The following PPP2R5E variants were observed in gnomAD, a reference collection of about 807,000 sequenced individuals.
PPP2R5E encodes serine/threonine-protein phosphatase 2A 56 kDa regulatory subunit epsilon isoform.
Under a neutral mutation model 65.3 loss-of-function variants are expected in PPP2R5E, and 4 were observed. The observed-to-expected ratio is 0.06, with a 90% confidence interval of 0.03 to 0.14. The LOEUF (loss-of-function observed/expected upper bound fraction) is 0.14. PPP2R5E is among the 10% of genes least tolerant of loss of function. The pLI is 1.00. For missense variants in PPP2R5E, 274 were observed against 556.1 expected, an observed-to-expected ratio of 0.49 and a Z score of 5.10; for synonymous variants, 183 against 187.4, an observed-to-expected ratio of 0.98 and a Z score of 0.19.
chr14:63,520,176 C>T (rs1301540222), intron 2 of PPP2R5E, among the ~76,000 whole-genome samples: 1 of 152,170 alleles, frequency 6.6e-6, no homozygotes, highest in Non-Finnish European at 1.5e-5. Context: ...GCTGGGACTA[C>T]TGGCGCCCGC....
At chr14:63,448,505 ATTTG>A (rs1447613796) in intron 3 of PPP2R5E, among the ~76,000 whole-genome samples, 3 of 151,164 alleles carry the variant, frequency 2.0e-5, no homozygotes, top group African/African-American at 7.3e-5. Context: ...CAAACCTTCA[ATTTG>A]TTTGGGCACA....
At chr14:63,430,397 A>ACATG (rs61170314) in intron 3 of PPP2R5E, among the ~76,000 whole-genome samples, 32 of 137,208 alleles carry the variant, frequency 2.3e-4, no homozygotes, top group South Asian at 2.1e-4. Flanking sequence ...ATACATACAT[A>ACATG]CATGCATACA....
In PPP2R5E at chr14:63,472,502, C is replaced by T. The variant is rs1890182828; in HGVS notation, c.158-18617G>A. Among the ~76,000 whole-genome samples the T allele has an allele frequency of 2.6e-5, 4 of 152,238 alleles. No individual in the cohort carries two copies. The South Asian group carries it at 8.3e-4, about 32-fold the overall frequency. ...GGTTGTTTCATTTTGTTTTGAACAC[C>T]TGACATTTGTTGAACTTGCATATGA... On this transcript the variant is annotated intron_variant, in intron 2 of 13. Coordinates refer to ENST00000337537, the MANE Select transcript of PPP2R5E (RefSeq NM_006246.5).
chr14:63,469,559 T>G, intron 2 of PPP2R5E, among the ~76,000 whole-genome samples: 1 of 152,134 alleles, frequency 6.6e-6, no homozygotes, highest in East Asian at 1.9e-4. Context: ...CCAGGCGTGG[T>G]GGCGAGCGCC....
chr14:63,473,276 T>C (rs115028403), intron 2 of PPP2R5E, among the ~76,000 whole-genome samples: 1 of 152,172 alleles, frequency 6.6e-6, no homozygotes, highest in African/African-American at 2.4e-5. Flanking sequence ...AACAAGGGGC[T>C]ATAAATTAAA....
At chr14:63,476,554 A>C (rs1306739918) in intron 2 of PPP2R5E, among the ~76,000 whole-genome samples, 5 of 152,160 alleles carry the variant, frequency 3.3e-5, no homozygotes, top group Non-Finnish European at 7.4e-5. Context: ...CTGCTCAATC[A>C]GTTCAAATAT....
intron 2 of PPP2R5E, among the ~76,000 whole-genome samples, chr14:63,536,916 G>C (rs1388423463): frequency 6.6e-6 from 1 of 152,166 alleles, no homozygotes; most frequent in South Asian, 2.1e-4. Context: ...TTCAGTTGGG[G>C]AAGATGAAAA....
At chr14:63,438,737 G>A (rs1184036390) in intron 3 of PPP2R5E, among the ~76,000 whole-genome samples, 2 of 152,208 alleles carry the variant, frequency 1.3e-5, no homozygotes, top group Non-Finnish European at 2.9e-5. Flanking sequence ...GCAATCTCGA[G>A]TAGCTCAGTG....
chr14:63,533,044 A>G (rs1204055778), intron 2 of PPP2R5E, among the ~76,000 whole-genome samples: 1 of 152,030 alleles, frequency 6.6e-6, no homozygotes, highest in African/African-American at 2.4e-5. Context: ...TATGTTGCAC[A>G]GGCTGGCCTT....
In PPP2R5E at chr14:63,372,138, A is replaced by C. The variant is rs1311690980; in HGVS notation, c.*3871T>G. On this transcript the variant is annotated 3_prime_UTR_variant, in exon 14 of 14. Coordinates refer to ENST00000337537, the MANE Select transcript of PPP2R5E (RefSeq NM_006246.5). The stretch of plus-strand genomic sequence containing the variant: ...AGGAGGGAGGGAAGGAAGAAAAGGA[A>C]ACCTATATTCATAGACATCATAATA... The C allele has an allele frequency of 6.6e-6, 1 of 152,008 alleles. No homozygotes were observed. Among genetic ancestry groups the C allele is most frequent in the Non-Finnish European group, 1.5e-5 (1 of 67,960 alleles). 9.4% of individuals were successfully genotyped at this position (152,008 alleles called of 1,614,324 possible). A position where few individuals can be genotyped will look rare whatever the true frequency, so the allele number is the denominator to read the frequency against.
intron 3 of PPP2R5E, chr14:63,451,722 T>C (rs923705863): frequency 6.6e-6 from 1 of 151,980 alleles, no homozygotes; most frequent in Admixed American, 6.5e-5. Context: ...TGGGTGATAA[T>C]GATGCGTCAA....
At chr14:63,458,670 T>C (rs181188736) in intron 2 of PPP2R5E, among the ~76,000 whole-genome samples, 4 of 152,296 alleles carry the variant, frequency 2.6e-5, no homozygotes, top group Non-Finnish European at 4.4e-5. Context: ...ACACATAAAC[T>C]ATTGAAATGT....
At chr14:63,440,783 C>CA (rs763718989) in intron 3 of PPP2R5E, among the ~76,000 whole-genome samples, 1,486 of 108,790 alleles carry the variant, frequency 0.014, 28 homozygotes, top group Non-Finnish European at 0.02. Context: ...CTAAAAAATA[C>CA]AAAAAAAAAA....
intron 2 of PPP2R5E, among the ~76,000 whole-genome samples, chr14:63,534,120 C>A (rs567515832): frequency 6.6e-6 from 1 of 152,144 alleles, no homozygotes; most frequent in African/African-American, 2.4e-5. Flanking sequence ...CATAAATCAC[C>A]CAGCCAGGTG....
chr14:63,388,431 G>A (rs141434068), intron 11 of PPP2R5E, among the ~76,000 whole-genome samples: 446 of 152,116 alleles, frequency 2.9e-3, no homozygotes, highest in African/African-American at 9.8e-3. Context: ...GAGCCACTGC[G>A]CCCAGCCGAT....
chr14:63,505,963 G>A (rs1892151513), intron 2 of PPP2R5E, among the ~76,000 whole-genome samples: 1 of 152,046 alleles, frequency 6.6e-6, no homozygotes, highest in Admixed American at 6.6e-5. Context: ...GTAAAGTCAG[G>A]CAAGGCTTTC....
At position 63,458,515 on chromosome 14, in the gene PPP2R5E, G is replaced by T. The variant is rs190658997; in HGVS notation, c.158-4630C>A. On this transcript the variant is annotated intron_variant, in intron 2 of 13. Coordinates refer to ENST00000337537, the MANE Select transcript of PPP2R5E (RefSeq NM_006246.5). The stretch of plus-strand genomic sequence containing the variant: ...AACAAAAGTTGTTAAAAATCAGAAC[G>T]TTAAATTCACATTTGCAAATATGCC... 8.5e-5 allele frequency among the ~76,000 whole-genome samples: 13 copies of T among 152,244 alleles called. No individual in the cohort carries two copies. The South Asian group carries it at 1.0e-3, about 12-fold the overall frequency.
In PPP2R5E at chr14:63,389,460, C is replaced by A. The variant is rs1884880067; in HGVS notation, c.1074+152G>T. 3 of 892,208 alleles carry A rather than the reference C, an allele frequency of 3.4e-6. No homozygotes were observed. In the East Asian group the frequency reaches 9.3e-5, roughly 28 times the overall value. The allele number at this position is 892,208 out of a possible 1,614,324, so 55.3% of individuals were successfully genotyped here. A position where few individuals can be genotyped will look rare whatever the true frequency, so the allele number is the denominator to read the frequency against. On this transcript the variant is annotated intron_variant, in intron 11 of 13. Transcript: ENST00000337537. ...CTGTGGCTGTTAGGCAGCAAGTGCT[C>A]AAGATAAGCTGGCCACTATTAAAAT...
chr14:63,527,728 G>A (rs1893236687), intron 2 of PPP2R5E, among the ~76,000 whole-genome samples: 1 of 152,142 alleles, frequency 6.6e-6, no homozygotes, highest in Non-Finnish European at 1.5e-5. Flanking sequence ...ACGGTCAGGA[G>A]TTCAAGACCA....
Sources: gnomAD v4.1 joint callset for allele counts (sites outside exome capture counted in the v4.1 genomes callset) on GRCh38, gnomAD v4.1.1 for gene constraint, MANE v1.5 for transcripts, NCBI Gene and HGNC (gene_info 2026-07-23, HGNC 2026-07-21) for gene names.